The following FHIT variants were observed in gnomAD, a reference collection of about 807,000 sequenced individuals.
The protein encoded by FHIT is bis(5'-adenosyl)-triphosphatase.
Under a neutral mutation model 17.9 loss-of-function variants are expected in FHIT, and 19 were observed. The observed-to-expected ratio is 1.06, with a 90% confidence interval of 0.74 to 1.56. FHIT has a LOEUF of 1.56. Among genes scored for constraint, FHIT ranks in the 40% most tolerant of loss-of-function variants. The pLI, the probability that FHIT is intolerant of heterozygous loss-of-function variation, is 0.00. For missense variants in FHIT, 248 were observed against 189.2 expected (o/e 1.31, Z -1.82); for synonymous variants, 81 against 69.7 (o/e 1.16, Z -0.81).
chr3:61,109,754 C>G (rs2036099011), intron 2 of FHIT, among the ~76,000 whole-genome samples: 1 of 152,162 alleles, frequency 6.6e-6, no homozygotes, highest in South Asian at 2.1e-4. Context: ...CATTAGTGTA[C>G]CTTAGTCTTT....
intron 4 of FHIT, among the ~76,000 whole-genome samples, chr3:60,578,112 A>G (rs2037630752): frequency 6.6e-6 from 1 of 152,124 alleles, no homozygotes; most frequent in African/African-American, 2.4e-5. Context: ...ATTTAAATAC[A>G]GAAAGGGATG....
chr3:60,327,845 T>C (rs960764024), intron 5 of FHIT, among the ~76,000 whole-genome samples: 12 of 152,046 alleles, frequency 7.9e-5, no homozygotes, highest in Non-Finnish European at 1.6e-4. Flanking sequence ...GAGACTCTAA[T>C]AAAAGGCTTA....
intron 4 of FHIT, among the ~76,000 whole-genome samples, chr3:60,785,905 A>ACC (rs1700556675): frequency 1.3e-5 from 1 of 79,106 alleles, no homozygotes; most frequent in African/African-American, 4.2e-5. Flanking sequence ...AGACACACAC[A>ACC]CACACACACA....
chr3:60,873,174 C>T (rs1340967313), intron 3 of FHIT, among the ~76,000 whole-genome samples: 1 of 151,804 alleles, frequency 6.6e-6, no homozygotes, highest in Non-Finnish European at 1.5e-5. Flanking sequence ...AGAGATCACA[C>T]TACCAGGAGC....
At chr3:60,118,450 G>T (rs1021765492) in intron 5 of FHIT, among the ~76,000 whole-genome samples, 1 of 151,738 alleles carries the variant, frequency 6.6e-6, no homozygotes, top group African/African-American at 2.4e-5. Flanking sequence ...TTCAAATATA[G>T]GTAGCGTTTT....
intron 8 of FHIT, among the ~76,000 whole-genome samples, chr3:59,787,032 G>A (rs911184918): frequency 1.3e-5 from 2 of 152,204 alleles, no homozygotes; most frequent in African/African-American, 4.8e-5. Context: ...AATTATCAGA[G>A]GGCTGGTCTG....
chr3:59,785,179 C>T (rs568282150), intron 8 of FHIT, among the ~76,000 whole-genome samples: 2 of 152,258 alleles, frequency 1.3e-5, no homozygotes, highest in South Asian at 4.2e-4. Context: ...CAGGCCCTAC[C>T]CTTCAACACT....
chr3:60,364,101 T>C (rs894386603), intron 5 of FHIT, among the ~76,000 whole-genome samples: 2 of 152,224 alleles, frequency 1.3e-5, no homozygotes, highest in East Asian at 1.9e-4. Flanking sequence ...GTAAATATAC[T>C]CTTTAATATA....
At position 60,670,735 on chromosome 3, in the gene FHIT, T is replaced by C. The variant is rs551129329; in HGVS notation, c.-17-133756A>G. On this transcript the variant is annotated intron_variant, in intron 4 of 9. Transcript: ENST00000492590. ...TCTCTTCAAATCTTACCTATTTAAT[T>C]TGAAAGCAAGCAATGTTCCAGTGTT... Among the ~76,000 whole-genome samples the C allele has an allele frequency of 2.0e-4, 30 of 152,294 alleles. No individual in the cohort carries two copies. In the South Asian group the frequency reaches 4.8e-3, roughly 24 times the overall value.
At chr3:60,877,302 G>C (rs1432480007) in intron 3 of FHIT, among the ~76,000 whole-genome samples, 2 of 152,212 alleles carry the variant, frequency 1.3e-5, no homozygotes, top group Non-Finnish European at 2.9e-5. Context: ...CCACAGCCAA[G>C]CTGCCAGCAG....
At chr3:60,024,833 G>A (rs1252792579) in intron 5 of FHIT, among the ~76,000 whole-genome samples, 2 of 152,152 alleles carry the variant, frequency 1.3e-5, no homozygotes, top group African/African-American at 4.8e-5. Flanking sequence ...GTATTTATTC[G>A]CCATGCATGG....
intron 5 of FHIT, among the ~76,000 whole-genome samples, chr3:60,511,774 C>A (rs1344214682): frequency 6.6e-6 from 1 of 151,982 alleles, no homozygotes; most frequent in Non-Finnish European, 1.5e-5. Context: ...AGATCTGAAG[C>A]AGGGAAAGTA....
intron 3 of FHIT, among the ~76,000 whole-genome samples, chr3:60,928,016 C>G (rs1465077802): frequency 6.6e-6 from 1 of 152,212 alleles, no homozygotes; most frequent in Non-Finnish European, 1.5e-5. Context: ...ACTCCCAACC[C>G]AGTGCTCTCT....
At position 60,859,723 on chromosome 3, in the gene FHIT, A is replaced by ATTTTTTTTTTT. The variant is rs71092647; in HGVS notation, c.-110-37723_-110-37713dup. On this transcript the variant is annotated intron_variant, in intron 3 of 9. Transcript: ENST00000492590. Reference sequence around the variant, plus strand: ...ACATTTGCAGTGGATTCTGAATACGATTTTTTTTTTTTTTTTTTTTTTTTT... The same window carrying ATTTTTTTTTTT: ...ACATTTGCAGTGGATTCTGAATACGATTTTTTTTTTTTTTTTTTTTTTTTTTTTTTTTTTTT... 1.5e-3 allele frequency among the ~76,000 whole-genome samples: 78 copies of ATTTTTTTTTTT among 51,926 alleles called. 12 individuals are homozygous for ATTTTTTTTTTT. Among genetic ancestry groups the ATTTTTTTTTTT allele is most frequent in the Non-Finnish European group, 1.8e-3 (54 of 29,368 alleles). The allele number at this position is 51,926 out of a possible 152,430, so 34.1% of individuals were successfully genotyped here.
At chr3:60,153,484 T>C (rs141674355) in intron 5 of FHIT, among the ~76,000 whole-genome samples, 270 of 152,254 alleles carry the variant, frequency 1.8e-3, no homozygotes, top group Non-Finnish European at 2.9e-3. Flanking sequence ...ACTAAAATTC[T>C]ATTTTGAGGT....
At chr3:60,068,186 G>A (rs952437819) in intron 5 of FHIT, among the ~76,000 whole-genome samples, 2 of 152,246 alleles carry the variant, frequency 1.3e-5, no homozygotes, top group African/African-American at 4.8e-5. Flanking sequence ...AGTGAGCTGA[G>A]ATCGCACCAC....
At chr3:61,043,035 C>T (rs1416691481) in intron 2 of FHIT, among the ~76,000 whole-genome samples, 2 of 152,076 alleles carry the variant, frequency 1.3e-5, no homozygotes, top group Non-Finnish European at 2.9e-5. Context: ...CAGCTCCCAG[C>T]TTGAGTGACG....
At chr3:59,792,909 G>A (rs1699628588) in intron 8 of FHIT, among the ~76,000 whole-genome samples, 1 of 149,972 alleles carries the variant, frequency 6.7e-6, no homozygotes, top group Non-Finnish European at 1.5e-5. Flanking sequence ...AAAATCTGAT[G>A]AAGTATGGGT....
chr3:61,077,211 A>G (rs2034996804), intron 2 of FHIT, among the ~76,000 whole-genome samples: 1 of 152,274 alleles, frequency 6.6e-6, no homozygotes, highest in East Asian at 1.9e-4. Context: ...TAAATCAACG[A>G]AAGCCCCCAA....
Sources: allele counts gnomAD v4.1 joint callset (sites outside exome capture counted in the v4.1 genomes callset), GRCh38; gene constraint gnomAD v4.1.1; transcripts MANE v1.5; gene names NCBI Gene and HGNC (gene_info 2026-07-23, HGNC 2026-07-21).